Variants in PPM1L observed in about 807,000 individuals in gnomAD.
PPM1L encodes protein phosphatase 1L.
A neutral mutation model predicts 31.4 loss-of-function variants in PPM1L; 13 were observed. The ratio of observed to expected loss-of-function variants is 0.41; its 90% CI spans 0.27 to 0.66. The LOEUF (loss-of-function observed/expected upper bound fraction) is 0.66. Among genes scored for constraint, PPM1L ranks in the 30% least tolerant of loss-of-function variants. The pLI, the probability that PPM1L is intolerant of heterozygous loss-of-function variation, is 0.29. For synonymous variants in PPM1L, 184 were observed against 175.4 expected, an observed-to-expected ratio of 1.05 and a Z score of -0.39; for missense variants, 326 against 453.7, an observed-to-expected ratio of 0.72 and a Z score of 2.56.
Position 161,077,368 on chromosome 3 carries a change from T to A in PPM1L, c.*8211T>A, listed in dbSNP as rs997045224. 2.0e-5 allele frequency: 3 copies of A among 152,186 alleles called. No individual in the cohort carries two copies. The highest frequency in any genetic ancestry group is 7.2e-5 in the African/African-American group (3 of 41,406). 9.4% of individuals were successfully genotyped at this position (152,186 alleles called of 1,614,324 possible). A position where few individuals can be genotyped will look rare whatever the true frequency, so the allele number is the denominator to read the frequency against. The stretch of plus-strand genomic sequence containing the variant: ...GGACAAGGATAGGGGGGTGGGACTG[T>A]CCCAGTGGAGGGTGCCACTGGAAGC... On this transcript the variant is annotated 3_prime_UTR_variant, in exon 4 of 4. Coordinates refer to ENST00000498165, the MANE Select transcript of PPM1L (RefSeq NM_139245.4).
chr3:161,063,563 T>C (rs936835864), intron 2 of PPM1L, among the ~76,000 whole-genome samples: 3 of 152,192 alleles, frequency 2.0e-5, no homozygotes, highest in African/African-American at 4.8e-5. Flanking sequence ...TTTTTTTTTC[T>C]GTTGGTGGGA....
Position 160,913,056 on chromosome 3 carries a change from C to T in PPM1L, c.400-48680C>T, listed in dbSNP as rs1714029000. On this transcript the variant is annotated intron_variant, in intron 1 of 3. Coordinates refer to ENST00000498165, the MANE Select transcript of PPM1L (RefSeq NM_139245.4). ...GTTATCATGGGATAGATGGGATGCC[C>T]TGTGGACAAAATCCATGAAGATGGT... 3.3e-5 allele frequency among the ~76,000 whole-genome samples: 5 copies of T among 152,022 alleles called. No individual in the cohort carries two copies. The South Asian group carries it at 8.3e-4, about 25-fold the overall frequency.
At chr3:160,954,601 T>G (rs1483534230) in intron 1 of PPM1L, among the ~76,000 whole-genome samples, 1 of 152,050 alleles carries the variant, frequency 6.6e-6, no homozygotes, top group Non-Finnish European at 1.5e-5. Context: ...TCAGCTCAAA[T>G]GATCCGCCCA....
rs1491444648 is a variant in PPM1L at position 160,970,445 on chromosome 3, A to ATTTT, written c.574+8536_574+8537insTTTT. On this transcript the variant is annotated intron_variant, in intron 2 of 3. Coordinates refer to ENST00000498165, the MANE Select transcript of PPM1L (RefSeq NM_139245.4). ...TTATCAATCTTTTTAACCAAGCTGAATATTTTTTTTTTTTTTTTTTTTGAG... is the reference window on the plus strand; with the variant it reads ...TTATCAATCTTTTTAACCAAGCTGAATTTTTATTTTTTTTTTTTTTTTTTTTGAG... 9.0e-5 allele frequency among the ~76,000 whole-genome samples: 3 copies of ATTTT among 33,460 alleles called. 1 individual carries two copies. Among genetic ancestry groups the ATTTT allele is most frequent in the African/African-American group, 5.9e-5 (1 of 16,954 alleles). 22.0% of individuals were successfully genotyped at this position (33,460 alleles called of 152,430 possible).
At chr3:160,850,222 A>G (rs1275073962) in intron 1 of PPM1L, among the ~76,000 whole-genome samples, 1 of 152,220 alleles carries the variant, frequency 6.6e-6, no homozygotes, top group East Asian at 1.9e-4. Flanking sequence ...CAAAGGATAC[A>G]ACCCAAGAAC....
intron 1 of PPM1L, among the ~76,000 whole-genome samples, chr3:160,787,584 G>T (rs1711973583): frequency 6.6e-6 from 1 of 152,098 alleles, no homozygotes; most frequent in African/African-American, 2.4e-5. Context: ...CTTTTGCTGT[G>T]CAGAAGCTCT....
chr3:160,937,638 A>G (rs1461111378), intron 1 of PPM1L, among the ~76,000 whole-genome samples: 2 of 152,146 alleles, frequency 1.3e-5, no homozygotes, highest in East Asian at 3.8e-4. Flanking sequence ...ACAAAAAACA[A>G]AAAACAAACA....
chr3:160,798,011 C>T (rs1432869066), intron 1 of PPM1L, among the ~76,000 whole-genome samples: 2 of 152,250 alleles, frequency 1.3e-5, no homozygotes, highest in East Asian at 3.9e-4. Context: ...AACCCCGTCT[C>T]TACTAACAAT....
chr3:160,964,819 G>A (rs1716082022), intron 2 of PPM1L, among the ~76,000 whole-genome samples: 1 of 151,968 alleles, frequency 6.6e-6, no homozygotes, highest in African/African-American at 2.4e-5. Flanking sequence ...GTTGCTGTGT[G>A]TTGCAAAACC....
At chr3:161,016,419 C>T (rs958225097) in intron 2 of PPM1L, among the ~76,000 whole-genome samples, 20 of 152,104 alleles carry the variant, frequency 1.3e-4, no homozygotes, top group African/African-American at 4.8e-4. Context: ...AATTGTCTCT[C>T]AGATTTCTAA....
chr3:160,941,636 C>T (rs1043121367), intron 1 of PPM1L, among the ~76,000 whole-genome samples: 1 of 152,122 alleles, frequency 6.6e-6, no homozygotes, highest in East Asian at 1.9e-4. Flanking sequence ...TCTCCTCAGC[C>T]ATGTGGAACT....
chr3:160,799,310 A>G (rs62272820), intron 1 of PPM1L, among the ~76,000 whole-genome samples: 5,239 of 152,294 alleles, frequency 0.034, 135 homozygotes, highest in Middle Eastern at 0.12. Flanking sequence ...TTCATGAAAG[A>G]TGACAGATTT....
chr3:160,947,708 T>C (rs1213992770), intron 1 of PPM1L, among the ~76,000 whole-genome samples: 1 of 152,186 alleles, frequency 6.6e-6, no homozygotes, highest in Non-Finnish European at 1.5e-5. Context: ...GGAAGATTCA[T>C]GGGTAGTGGT....
chr3:160,786,127 T>TAC (rs1711911208), intron 1 of PPM1L, among the ~76,000 whole-genome samples: 2 of 103,976 alleles, frequency 1.9e-5, no homozygotes, highest in African/African-American at 1.0e-4. Flanking sequence ...AATCTCATTT[T>TAC]TCTCTCTCTC....
At chr3:161,025,870 A>G (rs1282986064) in intron 2 of PPM1L, among the ~76,000 whole-genome samples, 4 of 152,360 alleles carry the variant, frequency 2.6e-5, no homozygotes, top group Admixed American at 2.6e-4. Flanking sequence ...TAGGAAATTA[A>G]TAGTTCCATG....
At chr3:160,930,311 G>T (rs1714741281) in intron 1 of PPM1L, among the ~76,000 whole-genome samples, 2 of 152,130 alleles carry the variant, frequency 1.3e-5, no homozygotes, top group Admixed American at 1.3e-4. Context: ...ACAAATGTGG[G>T]GAATTAACTC....
chr3:160,849,146 T>C (rs774500944), intron 1 of PPM1L, among the ~76,000 whole-genome samples: 16 of 152,314 alleles, frequency 1.1e-4, no homozygotes, highest in Non-Finnish European at 2.2e-4. Flanking sequence ...TTTCTGGTCC[T>C]GGCATTTCCA....
At chr3:161,022,657 C>CTTTTTT (rs71147399) in intron 2 of PPM1L, among the ~76,000 whole-genome samples, 85 of 93,690 alleles carry the variant, frequency 9.1e-4, no homozygotes, top group Non-Finnish European at 1.3e-3. Context: ...ATTTCTCCTT[C>CTTTTTT]TTTTTTTTTT....
Position 161,069,113 on chromosome 3 carries a change from A to T in PPM1L, c.1039A>T (p.Met347Leu), listed in dbSNP as rs529231667. 1 of 1,614,166 alleles carries T rather than the reference A, an allele frequency of 6.2e-7. No homozygotes were observed. Among genetic ancestry groups the T allele is most frequent in the Admixed American group, 1.7e-5 (1 of 60,022 alleles). ...YRGCPDNITV[M>L]VVKFRNSSKT... ...AGGCTGCCCTGACAATATAACAGTC[A>T]TGGTGGTGAAGTTCAGAAATAGCAG... Residue 347 changes from methionine (M) to leucine (L), a missense_variant, in exon 4 of 4, where the codon ATG becomes TTG. Met to Leu is a conservative substitution (Grantham distance 15). Transcript: ENST00000498165.
Sources: gnomAD v4.1 joint callset for allele counts (sites outside exome capture counted in the v4.1 genomes callset) on GRCh38, gnomAD v4.1.1 for gene constraint, MANE v1.5 for transcripts, NCBI Gene and HGNC (gene_info 2026-07-23, HGNC 2026-07-21) for gene names.